Variants in ESR2 observed in about 807,000 individuals in gnomAD.
The protein encoded by ESR2 is estrogen receptor beta.
A neutral mutation model predicts 49.6 loss-of-function variants in ESR2; 36 were observed. The ratio of observed to expected loss-of-function variants is 0.73; its 90% CI spans 0.56 to 0.96. The LOEUF is 0.96. Among genes scored for constraint, ESR2 ranks in the 40% least tolerant of loss-of-function variants. The pLI is 0.00. For missense variants in ESR2, 714 were observed against 693.0 expected, an observed-to-expected ratio of 1.03 and a Z score of -0.34; for synonymous variants, 320 against 266.1, an observed-to-expected ratio of 1.20 and a Z score of -1.97.
At chr14:64,329,926 T>C (rs771996221) in intron 1 of ESR2, 2 of 151,388 alleles carry the variant, frequency 1.3e-5, no homozygotes, top group Non-Finnish European at 2.9e-5. Flanking sequence ...ATCACGTAAT[T>C]TCAGGAGTTT....
At position 64,290,284 on chromosome 14, in the gene ESR2, T is replaced by G. The variant is rs553568056; in HGVS notation, c.-91+3749A>C. 2.0e-5 allele frequency among the ~76,000 whole-genome samples: 3 copies of G among 152,290 alleles called. No homozygotes were observed. In the South Asian group the frequency reaches 6.2e-4, roughly 32 times the overall value. On this transcript the variant is annotated intron_variant, in intron 1 of 8. Transcript: ENST00000341099. ...TAGGGTCTCACTGTGTTGCCCAGAT[T>G]GATCTTGAACTCCTTGCCTCAAGCA...
At chr14:64,330,016 G>T (rs1412267630) in intron 1 of ESR2, 2 of 152,174 alleles carry the variant, frequency 1.3e-5, no homozygotes, top group Non-Finnish European at 2.9e-5. Context: ...GCAGGCGCCT[G>T]TAATCCCAGC....
upstream of ESR2, among the ~76,000 whole-genome samples, chr14:64,295,163 A>G (rs143077896): frequency 2.6e-3 from 399 of 151,580 alleles, 3 homozygotes; most frequent in African/African-American, 8.5e-3. Flanking sequence ...GAAAATGAAA[A>G]GGAAAGTAGC....
At chr14:64,238,764 A>AC (rs1475161489) in intron 7 of ESR2, among the ~76,000 whole-genome samples, 2 of 151,990 alleles carry the variant, frequency 1.3e-5, no homozygotes, top group African/African-American at 4.8e-5. Flanking sequence ...TTAAAAAAAA[A>AC]AAACAAAAAA....
chr14:64,255,221 C>T (rs778718081), intron 6 of ESR2, among the ~76,000 whole-genome samples: 2 of 151,996 alleles, frequency 1.3e-5, no homozygotes, highest in Non-Finnish European at 2.9e-5. Flanking sequence ...CTAAAGTCTG[C>T]AAATTATTTG....
chr14:64,316,892 T>C (rs1197600374), intron 1 of ESR2, among the ~76,000 whole-genome samples: 1 of 152,174 alleles, frequency 6.6e-6, no homozygotes, highest in Non-Finnish European at 1.5e-5. Flanking sequence ...TATTATCAAA[T>C]CAAATTCAGC....
chr14:64,230,790 G>A lies in ESR2; in HGVS notation c.*2347C>T, dbSNP rs927145605. On this transcript the variant is annotated 3_prime_UTR_variant, in exon 9 of 9. Transcript: ENST00000341099. ...GATACTGCCCACTCGAGGCTCTAAA[G>A]GGATTGCCATTGCCAGTTCACTCCC... is the stretch of plus-strand genomic sequence containing the variant. 6.6e-6 allele frequency: 1 copy of A among 150,614 alleles called. No homozygotes were observed. The highest frequency in any genetic ancestry group is 6.6e-5 in the Admixed American group (1 of 15,076). The allele number at this position is 150,614 out of a possible 1,614,324, so 9.3% of individuals were successfully genotyped here.
rs2098724924 is a variant in ESR2, at chr14:64,229,109, T to C, written c.*4028A>G. Reference sequence around the variant, plus strand: ...CCCACTAGAGCTCATGAACCTGAGATGGGACAATGGGAATAACAGATTATG... The same window carrying C: ...CCCACTAGAGCTCATGAACCTGAGACGGGACAATGGGAATAACAGATTATG... On this transcript the variant is annotated 3_prime_UTR_variant, in exon 9 of 9. Coordinates refer to ENST00000341099, the MANE Select transcript of ESR2 (RefSeq NM_001437.3). 6.6e-6 allele frequency among the ~76,000 whole-genome samples: 1 copy of C among 152,140 alleles called. No individual in the cohort carries two copies. Among genetic ancestry groups the C allele is most frequent in the Non-Finnish European group, 1.5e-5 (1 of 68,016 alleles).
chr14:64,260,665 T>A lies in ESR2; in HGVS notation c.736A>T (p.Lys246Ter). The A allele has an allele frequency of 6.3e-7, 1 of 1,597,310 alleles. No homozygotes were observed. The highest frequency in any genetic ancestry group is 1.1e-5 in the South Asian group (1 of 88,664). Reference protein sequence around the residue: ...DEQLHCAGKAKRSGGHAPRVR... With the variant: ...DEQLHCAGKA ...CGGGGCGCGTGGCCGCCACTTCTCT[T>A]GGCCTTGCCGGCACAGTGCAGCTGC... Residue 246 changes from lysine (K) to a stop codon, truncating the protein, a stop_gained, in exon 5 of 9, where the codon AAG becomes TAG. Transcript: ENST00000341099. LOFTEE classifies it high-confidence loss of function.
At chr14:64,303,778 T>C (rs746731929) in intron 1 of ESR2, 4 of 152,262 alleles carry the variant, frequency 2.6e-5, no homozygotes, top group Non-Finnish European at 4.4e-5. Flanking sequence ...ATTCATTTAA[T>C]ATTTCATTCA....
intron 7 of ESR2, among the ~76,000 whole-genome samples, chr14:64,237,123 G>A (rs2075621482): frequency 6.6e-6 from 1 of 152,034 alleles, no homozygotes; most frequent in African/African-American, 2.4e-5. Context: ...ACCATGCCCA[G>A]CAAATTTTTT....
chr14:64,326,334 A>G (rs947903356), intron 1 of ESR2, among the ~76,000 whole-genome samples: 4 of 152,170 alleles, frequency 2.6e-5, no homozygotes, highest in African/African-American at 4.8e-5. Context: ...AACTCATACC[A>G]TAATTCAAGA....
At chr14:64,286,107 G>A (rs555770838) in intron 1 of ESR2, among the ~76,000 whole-genome samples, 25 of 152,194 alleles carry the variant, frequency 1.6e-4, no homozygotes, top group African/African-American at 6.0e-4. Flanking sequence ...ACCAGGAAGA[G>A]GCAGGACAGA....
rs186995762 is a variant in ESR2, at chr14:64,315,087, T to C, written c.-91+22811A>G. Among the ~76,000 whole-genome samples the C allele has an allele frequency of 2.1e-4, 31 of 148,452 alleles. 1 individual carries two copies. The East Asian group carries it at 3.9e-3, about 18-fold the overall frequency. On this transcript the variant is annotated intron_variant, in intron 1 of 8. Coordinates refer to the ESR2 transcript ENST00000358599. ...AGTGAAACCCCATCTCTACTAAAAA[T>C]ACAAAAATTAGCTGGGCATGGTGGT...
At chr14:64,257,754 G>T (rs2076133384) in intron 5 of ESR2, among the ~76,000 whole-genome samples, 1 of 151,756 alleles carries the variant, frequency 6.6e-6, no homozygotes, top group Non-Finnish European at 1.5e-5. Flanking sequence ...TGGGGGATGG[G>T]GTAGGTGGGG....
intron 1 of ESR2, among the ~76,000 whole-genome samples, chr14:64,312,560 G>A (rs2077198761): frequency 6.6e-6 from 1 of 152,150 alleles, no homozygotes; most frequent in South Asian, 2.1e-4. Context: ...CCTGAGAGGG[G>A]CGTCTGGCTG....
chr14:64,338,425 GGT>G (rs1049589193), upstream of ESR2: 2 of 154,922 alleles, frequency 1.3e-5, no homozygotes, highest in African/African-American at 4.8e-5. Context: ...TGGCGGCGCA[GGT>G]GTGTGACAAA....
chr14:64,288,573 C>T (rs1053855956), intron 1 of ESR2, among the ~76,000 whole-genome samples: 3 of 151,962 alleles, frequency 2.0e-5, no homozygotes, highest in African/African-American at 7.2e-5. Context: ...TGGTCTTGAT[C>T]TCTTGACCTC....
chr14:64,242,477 T>C (rs898263550), intron 7 of ESR2, among the ~76,000 whole-genome samples: 1 of 150,426 alleles, frequency 6.6e-6, no homozygotes, highest in East Asian at 1.9e-4. Flanking sequence ...TAAAATCATA[T>C]GGTTTTTCAT....
Sources: gnomAD v4.1 joint callset for allele counts (sites outside exome capture counted in the v4.1 genomes callset) on GRCh38, gnomAD v4.1.1 for gene constraint, MANE v1.5 for transcripts, NCBI Gene and HGNC (gene_info 2026-07-23, HGNC 2026-07-21) for gene names.